The following STON1 variants were observed in gnomAD, a reference collection of about 807,000 sequenced individuals.
STON1 encodes the protein stonin-1.
A neutral mutation model predicts 60.9 loss-of-function variants in STON1; 79 were observed. That is an observed-to-expected ratio of 1.30 (90% CI 1.08 to 1.56). The LOEUF (loss-of-function observed/expected upper bound fraction) is 1.56, where lower values mean the gene tolerates loss of function less well. Ranked by LOEUF, STON1 falls within the 40% of genes most tolerant of loss-of-function variation. The pLI, the probability that STON1 is intolerant of heterozygous loss-of-function variation, is 0.00. For missense variants in STON1, 1,166 were observed against 858.9 expected (o/e 1.36, Z -4.47); for synonymous variants, 363 against 306.9 (o/e 1.18, Z -1.91).
chr2:48,591,669 T>C lies in STON1; in HGVS notation c.1947T>C (p.His649=), dbSNP rs1558651221. The C allele has an allele frequency of 1.2e-6, 2 of 1,614,008 alleles. No individual in the cohort carries two copies. The highest frequency in any genetic ancestry group is 1.7e-6 in the Non-Finnish European group (2 of 1,180,022). Reference sequence around the variant, plus strand: ...TCCCTCGAGGTCTAGATCATCCCCATTGTCTGTCATACAAATTAGAGCTTG... The same window carrying C: ...TCCCTCGAGGTCTAGATCATCCCCACTGTCTGTCATACAAATTAGAGCTTG... ...PDKNSSLDHP[H]CLSYKLELGS... Residue 649 remains histidine, a synonymous_variant, in exon 3 of 4, where the codon CAT becomes CAC. Transcript: ENST00000404752.
intron 2 of STON1, among the ~76,000 whole-genome samples, chr2:48,588,367 A>G (rs926912737): frequency 1.3e-5 from 2 of 152,216 alleles, no homozygotes; most frequent in Admixed American, 6.5e-5. Flanking sequence ...TTGAAAAGAT[A>G]CTTCGAAAAT....
At position 48,597,175 on chromosome 2, in the gene STON1, T is replaced by C. The variant is rs1674817418; in HGVS notation, c.*1873T>C. The C allele has an allele frequency of 6.6e-6, 1 of 152,184 alleles. No homozygotes were observed. The highest frequency in any genetic ancestry group is 1.9e-4 in the East Asian group (1 of 5,200). 9.4% of individuals were successfully genotyped at this position (152,184 alleles called of 1,614,324 possible). ...GCCGCTATTGCTCTTTTTAACTTCA[T>C]TTGATGCCTTGCTTATAATATCATA... On this transcript the variant is annotated 3_prime_UTR_variant, in exon 4 of 4. Transcript: ENST00000404752.
chr2:48,562,863 A>G (rs559875683), intron 1 of STON1, among the ~76,000 whole-genome samples: 5 of 152,242 alleles, frequency 3.3e-5, no homozygotes, highest in Non-Finnish European at 5.9e-5. Flanking sequence ...GCACAGGGAA[A>G]GCCCCCATTA....
intron 1 of STON1, among the ~76,000 whole-genome samples, chr2:48,559,658 C>T (rs1340157203): frequency 3.9e-5 from 6 of 152,184 alleles, no homozygotes; most frequent in African/African-American, 1.4e-4. Flanking sequence ...TAACTTGCTC[C>T]ATGTCACTGC....
intron 1 of STON1, among the ~76,000 whole-genome samples, chr2:48,548,870 C>G (rs1671975534): frequency 6.6e-6 from 1 of 152,168 alleles, no homozygotes; most frequent in African/African-American, 2.4e-5. Flanking sequence ...TTTTACTGCA[C>G]AGTGTTTTTC....
intron 1 of STON1, among the ~76,000 whole-genome samples, chr2:48,535,103 T>A (rs181195095): frequency 2.0e-4 from 31 of 152,164 alleles, no homozygotes; most frequent in Non-Finnish European, 1.2e-4. Flanking sequence ...TTACAGGGTG[T>A]CATCATTCTT....
At chr2:48,543,568 A>G (rs374186265) in intron 1 of STON1, among the ~76,000 whole-genome samples, 29 of 121,334 alleles carry the variant, frequency 2.4e-4, no homozygotes, top group African/African-American at 7.2e-4. Flanking sequence ...GTCTTGCTCT[A>G]TCACCCAGGC....
chr2:48,582,025 G>C lies in STON1; in HGVS notation c.1392G>C (p.Pro464=). ...TAACCTTGAATGACCTTGAGTTGCC[G>C]AAGCGAGATGAATCCTATTATGAGA... ...CFLTLNDLEL[P]KRDESYYEKD... is the part of the protein sequence containing the mutation. The change falls in exon 2 of 4, where the codon CCG becomes CCC. Residue 464 remains proline, a synonymous_variant. Transcript: ENST00000404752. The C allele has an allele frequency of 6.2e-7, 1 of 1,614,118 alleles. No homozygotes were observed. The highest frequency in any genetic ancestry group is 8.5e-7 in the Non-Finnish European group (1 of 1,180,012).
intron 1 of STON1, among the ~76,000 whole-genome samples, chr2:48,537,040 T>C (rs1439865999): frequency 6.6e-6 from 1 of 152,252 alleles, no homozygotes; most frequent in East Asian, 1.9e-4. Flanking sequence ...TCTTGAATTT[T>C]CTATATAGAC....
At position 48,581,792 on chromosome 2, in the gene STON1, C is replaced by G. The variant is rs770536700; in HGVS notation, c.1159C>G (p.Leu387Val). 2.5e-6 allele frequency: 4 copies of G among 1,614,116 alleles called. No individual in the cohort carries two copies. In the East Asian group the frequency reaches 8.9e-5, roughly 36 times the overall value. ...KLGSTSYHDF[L>V]DFLTTVEEEL... ...GGGGTCCACATCGTACCATGACTTC[C>G]TTGACTTTCTGACTACTGTGGAGGA... The change falls in exon 2 of 4, where the codon CTT becomes GTT. Residue 387 changes from leucine (L) to valine (V), a missense_variant. Leu to Val is a conservative substitution (Grantham distance 32). Coordinates refer to ENST00000404752, the MANE Select transcript of STON1 (RefSeq NM_006873.4).
chr2:48,581,262 G>A lies in STON1; in HGVS notation c.629G>A (p.Arg210Lys), dbSNP rs764699874. ...PPGSKKMFSS[R>K]NKEMPIDQKS... The stretch of plus-strand genomic sequence containing the variant: ...GGAAGCAAAAAGATGTTCTCATCAA[G>A]AAACAAGGAGATGCCTATTGACCAA... The change falls in exon 2 of 4, where the codon AGA becomes AAA. Residue 210 changes from arginine to lysine, a missense_variant. Arg to Lys is a conservative substitution (Grantham distance 26). Transcript: ENST00000404752. The A allele has an allele frequency of 4.6e-6, 7 of 1,518,400 alleles. No individual in the cohort carries two copies. The highest frequency in any genetic ancestry group is 2.6e-6 in the Non-Finnish European group (3 of 1,137,938). The allele number at this position is 1,518,400 out of a possible 1,614,324, so 94.1% of individuals were successfully genotyped here.
rs1673894176 is a variant in STON1, at chr2:48,581,678, A to G, written c.1045A>G (p.Ile349Val). The G allele has an allele frequency of 1.2e-6, 2 of 1,613,480 alleles. No individual in the cohort carries two copies. Among genetic ancestry groups the G allele is most frequent in the East Asian group, 4.5e-5 (2 of 44,886 alleles). ...AGCAGGAAAAATCCACACTGTGAAG[A>G]TTGAACATGTGTCTTACACAGAAAA... Reference protein sequence around the residue: ...SVAGKIHTVKIEHVSYTEKRK... With the variant: ...SVAGKIHTVKVEHVSYTEKRK... Residue 349 changes from isoleucine to valine, a missense_variant, in exon 2 of 4, where the codon ATT becomes GTT. Coordinates refer to ENST00000404752, the MANE Select transcript of STON1 (RefSeq NM_006873.4).
intron 1 of STON1, among the ~76,000 whole-genome samples, chr2:48,573,505 C>CTGTG (rs1440670865): frequency 2.0e-5 from 3 of 152,196 alleles, no homozygotes; most frequent in African/African-American, 7.2e-5. Flanking sequence ...AGAGGCTGTG[C>CTGTG]ACACAGCTAG....
chr2:48,593,690 T>G (rs1408810119), intron 3 of STON1, among the ~76,000 whole-genome samples: 1 of 152,254 alleles, frequency 6.6e-6, no homozygotes, highest in East Asian at 1.9e-4. Context: ...TCTGATTTTC[T>G]ACTAATTTAT....
At chr2:48,560,162 C>G (rs1672552365) in intron 1 of STON1, among the ~76,000 whole-genome samples, 1 of 152,158 alleles carries the variant, frequency 6.6e-6, no homozygotes, top group African/African-American at 2.4e-5. Flanking sequence ...TGGCGAGATC[C>G]TTTTTATAGT....
At position 48,581,451 on chromosome 2, in the gene STON1, A is replaced by C; in HGVS notation, c.818A>C (p.Lys273Thr). 6.2e-7 allele frequency: 1 copy of C among 1,614,200 alleles called. No individual in the cohort carries two copies. The highest frequency in any genetic ancestry group is 8.5e-7 in the Non-Finnish European group (1 of 1,180,022). ...CACACACTCTTCAGGAGTCAGCCAAAATCCGGATGGTCTTTCATGCTGAGA... is the reference window on the plus strand; with the variant it reads ...CACACACTCTTCAGGAGTCAGCCAACATCCGGATGGTCTTTCATGCTGAGA... ...VPHTLFRSQP[K>T]SGWSFMLRIP... Residue 273 changes from lysine to threonine, a missense_variant, in exon 2 of 4, where the codon AAA (lysine) becomes ACA (threonine). By Grantham distance (78) the Lys-to-Thr change is moderately conservative. Coordinates refer to ENST00000404752, the MANE Select transcript of STON1 (RefSeq NM_006873.4).
chr2:48,594,558 A>AG (rs1041560482), intron 3 of STON1, among the ~76,000 whole-genome samples: 6 of 152,104 alleles, frequency 3.9e-5, no homozygotes, highest in African/African-American at 1.5e-4. Context: ...AAAAATAGTT[A>AG]GTAGATAAAT....
chr2:48,546,670 A>C (rs571891923), intron 1 of STON1, among the ~76,000 whole-genome samples: 21 of 152,370 alleles, frequency 1.4e-4, no homozygotes, highest in African/African-American at 4.8e-4. Context: ...TACTTGCAGC[A>C]GTGTATAGCA....
At chr2:48,532,835 G>C (rs1433204692) in intron 1 of STON1, among the ~76,000 whole-genome samples, 1 of 152,204 alleles carries the variant, frequency 6.6e-6, no homozygotes, top group Non-Finnish European at 1.5e-5. Flanking sequence ...ACCTGGACAG[G>C]TCAGATGAGT....
Sources: gnomAD v4.1 joint callset for allele counts (sites outside exome capture counted in the v4.1 genomes callset) on GRCh38, gnomAD v4.1.1 for gene constraint, MANE v1.5 for transcripts, NCBI Gene and HGNC (gene_info 2026-07-23, HGNC 2026-07-21) for gene names.